The following GRIN3A variants were observed in gnomAD, a reference collection of about 807,000 sequenced individuals.
GRIN3A encodes glutamate receptor ionotropic, NMDA 3A.
A neutral mutation model predicts 92.4 loss-of-function variants in GRIN3A; 47 were observed. The observed-to-expected ratio is 0.51, with a 90% CI of 0.40 to 0.65. The LOEUF (loss-of-function observed/expected upper bound fraction) is 0.65. Among genes scored for constraint, GRIN3A ranks in the 30% least tolerant of loss-of-function variants. GRIN3A has a pLI of 0.00. For missense variants in GRIN3A, 1,324 were observed against 1,393.1 expected (o/e 0.95, Z 0.79); for synonymous variants, 527 against 540.6 (o/e 0.97, Z 0.35).
At chr9:101,581,121 T>C (rs986706273) in intron 6 of GRIN3A, among the ~76,000 whole-genome samples, 5 of 152,196 alleles carry the variant, frequency 3.3e-5, no homozygotes, top group African/African-American at 9.7e-5. Flanking sequence ...TTAAACAGCT[T>C]GAGTCTAGGG....
intron 3 of GRIN3A, among the ~76,000 whole-genome samples, chr9:101,661,146 T>C (rs756807403): frequency 2.0e-5 from 3 of 151,874 alleles, no homozygotes; most frequent in Non-Finnish European, 2.9e-5. Flanking sequence ...GTGGTACTCA[T>C]TGAGGTACTC....
At chr9:101,689,074 TG>T (rs2118982526) in intron 1 of GRIN3A, among the ~76,000 whole-genome samples, 1 of 152,280 alleles carries the variant, frequency 6.6e-6, no homozygotes, top group Admixed American at 6.5e-5. Context: ...ATTGCTCCTG[TG>T]TTTTCTTTTG....
At chr9:101,663,038 CTCAT>C (rs1347936987) in intron 3 of GRIN3A, among the ~76,000 whole-genome samples, 1 of 151,502 alleles carries the variant, frequency 6.6e-6, no homozygotes, top group East Asian at 2.0e-4. Flanking sequence ...TTGTCTGACT[CTCAT>C]TCCCATTTTC....
intron 6 of GRIN3A, among the ~76,000 whole-genome samples, chr9:101,599,340 A>G (rs1183777614): frequency 6.6e-6 from 1 of 152,106 alleles, no homozygotes; most frequent in Non-Finnish European, 1.5e-5. Context: ...GAACCATTCT[A>G]CTCTGTGCTG....
intron 2 of GRIN3A, among the ~76,000 whole-genome samples, chr9:101,673,628 A>C (rs1389159447): frequency 6.6e-6 from 1 of 152,170 alleles, no homozygotes; most frequent in Non-Finnish European, 1.5e-5. Context: ...AAATTAGTTA[A>C]AATATCAAAA....
At chr9:101,646,776 G>A (rs549993780) in intron 3 of GRIN3A, among the ~76,000 whole-genome samples, 13 of 151,400 alleles carry the variant, frequency 8.6e-5, no homozygotes, top group Non-Finnish European at 1.3e-4. Flanking sequence ...TAGCTACTGC[G>A]CATGGGATTG....
chr9:101,616,692 G>A (rs1282251784), intron 5 of GRIN3A, among the ~76,000 whole-genome samples: 1 of 137,204 alleles, frequency 7.3e-6, no homozygotes, highest in East Asian at 2.2e-4. Flanking sequence ...GTTGAACAAT[G>A]AGATCACATG....
intron 2 of GRIN3A, among the ~76,000 whole-genome samples, chr9:101,673,991 G>A (rs998984657): frequency 2.0e-5 from 3 of 152,088 alleles, no homozygotes; most frequent in Non-Finnish European, 2.9e-5. Context: ...TTTCGTAGAG[G>A]AGGAAGTGCC....
intron 6 of GRIN3A, among the ~76,000 whole-genome samples, chr9:101,606,382 A>G (rs2118834644): frequency 6.6e-6 from 1 of 152,236 alleles, no homozygotes; most frequent in Non-Finnish European, 1.5e-5. Flanking sequence ...TCAGGTATTT[A>G]TTCCCTGGGT....
chr9:101,718,612 T>C (rs1829974396), intron 1 of GRIN3A, among the ~76,000 whole-genome samples: 1 of 152,212 alleles, frequency 6.6e-6, no homozygotes, highest in Non-Finnish European at 1.5e-5. Context: ...AGGTGATTCA[T>C]GAGATGATTT....
At chr9:101,714,448 C>G (rs2506363) in intron 1 of GRIN3A, among the ~76,000 whole-genome samples, 140,617 of 152,294 alleles carry the variant, frequency 0.92, 65,207 homozygotes, top group Middle Eastern at 0.98. Flanking sequence ...TAGAACAAAA[C>G]GATCAACAAC....
chr9:101,711,665 T>C (rs574783809), intron 1 of GRIN3A, among the ~76,000 whole-genome samples: 31 of 152,288 alleles, frequency 2.0e-4, no homozygotes, highest in Admixed American at 1.8e-3. Context: ...ACCCCAGCAA[T>C]ACTTCTTCAA....
At chr9:101,629,281 A>C (rs988590854) in intron 3 of GRIN3A, among the ~76,000 whole-genome samples, 1 of 152,172 alleles carries the variant, frequency 6.6e-6, no homozygotes, top group African/African-American at 2.4e-5. Context: ...ATACACACAC[A>C]CACATACGCA....
intron 6 of GRIN3A, among the ~76,000 whole-genome samples, chr9:101,609,873 C>A (rs1052991361): frequency 3.9e-5 from 6 of 152,226 alleles, no homozygotes; most frequent in African/African-American, 1.4e-4. Context: ...AATTAAAAAT[C>A]TTTTTTGTAA....
intron 6 of GRIN3A, among the ~76,000 whole-genome samples, chr9:101,596,538 A>G (rs1392282571): frequency 3.9e-5 from 6 of 152,198 alleles, no homozygotes; most frequent in Non-Finnish European, 5.9e-5. Flanking sequence ...CTAAAGCACA[A>G]AGACCTTTCT....
intron 6 of GRIN3A, among the ~76,000 whole-genome samples, chr9:101,604,053 GC>G (rs1828244206): frequency 6.6e-6 from 1 of 152,156 alleles, no homozygotes; most frequent in Admixed American, 6.5e-5. Flanking sequence ...TGAGCTCTCT[GC>G]CTGTGAGCTC....
chr9:101,678,732 G>A (rs900166504), intron 2 of GRIN3A, among the ~76,000 whole-genome samples: 3 of 152,104 alleles, frequency 2.0e-5, no homozygotes, highest in African/African-American at 4.8e-5. Flanking sequence ...GTCTTGTGCT[G>A]TGTTACTATT....
At chr9:101,620,775 G>C (rs1828541588) in intron 5 of GRIN3A, among the ~76,000 whole-genome samples, 1 of 151,998 alleles carries the variant, frequency 6.6e-6, no homozygotes, top group Non-Finnish European at 1.5e-5. Context: ...ACACCGCTTT[G>C]ATGATTTTTT....
intron 5 of GRIN3A, 110 bp downstream of exon 5, chr9:101,623,208 C>T (rs964916702): frequency 1.8e-5 from 14 of 760,902 alleles, no homozygotes; most frequent in Admixed American, 3.9e-5. Flanking sequence ...AAAATGAAAA[C>T]GAGGGAAGAT....
Sources: allele counts gnomAD v4.1 joint callset (sites outside exome capture counted in the v4.1 genomes callset), GRCh38; gene constraint gnomAD v4.1.1; transcripts MANE v1.5; gene names NCBI Gene and HGNC (gene_info 2026-07-23, HGNC 2026-07-21).